The following CCSER1 variants were observed in gnomAD, a reference collection of about 807,000 sequenced individuals.
CCSER1 encodes coiled-coil serine rich protein 1, also known as serine-rich coiled-coil domain-containing protein 1.
In CCSER1, 41 loss-of-function variants were observed where a neutral mutation model predicts 82.0. That is an observed-to-expected ratio of 0.50 (90% confidence interval 0.39 to 0.65). The LOEUF (loss-of-function observed/expected upper bound fraction) is 0.65. Ranked by LOEUF, CCSER1 falls within the 30% of genes least tolerant of loss-of-function variation. CCSER1 has a pLI of 0.00. For missense variants in CCSER1, 1,119 were observed against 1,064.2 expected, an observed-to-expected ratio of 1.05 and a Z score of -0.72; for synonymous variants, 414 against 383.9, an observed-to-expected ratio of 1.08 and a Z score of -0.92.
intron 10 of CCSER1, among the ~76,000 whole-genome samples, chr4:91,566,048 T>C (rs1762872694): frequency 6.6e-6 from 1 of 152,104 alleles, no homozygotes; most frequent in African/African-American, 2.4e-5. Flanking sequence ...GCTCTTATTA[T>C]TTTGAGTTAT....
intron 10 of CCSER1, among the ~76,000 whole-genome samples, chr4:91,576,551 T>G (rs2110299002): frequency 6.6e-6 from 1 of 152,060 alleles, no homozygotes; most frequent in East Asian, 1.9e-4. Context: ...AGGTTGAGTA[T>G]CCCTTATCCG....
intron 10 of CCSER1, among the ~76,000 whole-genome samples, chr4:91,425,447 CATTGTA>C (rs1181093049): frequency 3.3e-5 from 5 of 152,046 alleles, no homozygotes; most frequent in African/African-American, 1.2e-4. Flanking sequence ...CTGTGAAAAG[CATTGTA>C]ATTGTAATTA....
At position 90,352,701 on chromosome 4, in the gene CCSER1, C is replaced by A. The variant is rs1255564001; in HGVS notation, c.1509+39654C>A. Among the ~76,000 whole-genome samples, 4 of 151,890 alleles carry A rather than the reference C, an allele frequency of 2.6e-5. No individual in the cohort carries two copies. The East Asian group carries it at 7.7e-4, about 29-fold the overall frequency. ...ACATATATGTATATATACACACACA[C>A]ACACACGCAGATAGTAACAGGTAGC... On this transcript the variant is annotated intron_variant, in intron 3 of 10. Coordinates refer to ENST00000509176, the MANE Select transcript of CCSER1 (RefSeq NM_001145065.2).
chr4:90,841,215 C>T (rs189772983), intron 8 of CCSER1, among the ~76,000 whole-genome samples: 2 of 152,222 alleles, frequency 1.3e-5, no homozygotes, highest in African/African-American at 2.4e-5. Context: ...ACTTAGATAA[C>T]TCATTCTTAA....
intron 8 of CCSER1, among the ~76,000 whole-genome samples, chr4:90,865,167 T>C (rs1400521627): frequency 6.6e-6 from 1 of 152,076 alleles, no homozygotes; most frequent in Non-Finnish European, 1.5e-5. Flanking sequence ...AGAGTAATTG[T>C]AATACGGCTT....
intron 10 of CCSER1, among the ~76,000 whole-genome samples, chr4:91,511,541 G>A (rs1472803819): frequency 6.6e-6 from 1 of 152,160 alleles, no homozygotes; most frequent in East Asian, 1.9e-4. Context: ...ACAGCAGGAG[G>A]TGAGCAAGGG....
intron 7 of CCSER1, among the ~76,000 whole-genome samples, chr4:90,806,550 G>T (rs952359781): frequency 5.9e-5 from 9 of 152,132 alleles, no homozygotes; most frequent in Non-Finnish European, 1.0e-4. Flanking sequence ...CTCAATAAAG[G>T]ACTCACTGAC....
intron 6 of CCSER1, among the ~76,000 whole-genome samples, chr4:90,672,149 C>T (rs1732914279): frequency 6.6e-6 from 1 of 151,946 alleles, no homozygotes; most frequent in Non-Finnish European, 1.5e-5. Context: ...TGAGCATTGG[C>T]TTCAACTTAA....
intron 1 of CCSER1, among the ~76,000 whole-genome samples, chr4:90,270,332 T>C (rs918357651): frequency 1.3e-5 from 2 of 152,092 alleles, no homozygotes; most frequent in African/African-American, 2.4e-5. Flanking sequence ...AACTGGGATT[T>C]ATTCCAGGGA....
chr4:91,443,400 C>G (rs1414879096), intron 10 of CCSER1, among the ~76,000 whole-genome samples: 1 of 150,132 alleles, frequency 6.7e-6, no homozygotes, highest in Non-Finnish European at 1.5e-5. Context: ...TAAACTATCG[C>G]AAGGACAAAA....
rs144336144 is a variant in CCSER1 at position 91,589,454 on chromosome 4, G to A, written c.2218-9118G>A. ...TATAAAGTCTATGAATTATTCACAC[G>A]AGACATTATGTGAATCTAAAGATTT... is the stretch of plus-strand genomic sequence containing the variant. On this transcript the variant is annotated intron_variant, in intron 10 of 10. Transcript: ENST00000509176. Among the ~76,000 whole-genome samples, 712 of 151,866 alleles carry A rather than the reference G, an allele frequency of 4.7e-3. 2 individuals are homozygous for A. Among genetic ancestry groups the A allele is most frequent in the Non-Finnish European group, 7.7e-3 (525 of 67,890 alleles).
chr4:90,773,180 C>T (rs538654843), intron 7 of CCSER1, among the ~76,000 whole-genome samples: 76 of 152,242 alleles, frequency 5.0e-4, no homozygotes, highest in Non-Finnish European at 9.1e-4. Flanking sequence ...ATGGAGGTTG[C>T]GGTTAGCCGA....
At chr4:90,771,490 T>C (rs1752153310) in intron 7 of CCSER1, among the ~76,000 whole-genome samples, 1 of 151,186 alleles carries the variant, frequency 6.6e-6, no homozygotes, top group East Asian at 1.9e-4. Flanking sequence ...CTATTTCTTT[T>C]CTTTTAGCTA....
chr4:90,590,024 A>G (rs1390544864), intron 5 of CCSER1, among the ~76,000 whole-genome samples: 2 of 152,164 alleles, frequency 1.3e-5, no homozygotes, highest in East Asian at 1.9e-4. Flanking sequence ...CTGTAATCCC[A>G]ATATTTTGGG....
intron 9 of CCSER1, among the ~76,000 whole-genome samples, chr4:90,955,780 G>T (rs927840741): frequency 6.6e-6 from 1 of 152,012 alleles, no homozygotes; most frequent in East Asian, 1.9e-4. Context: ...TGTACTAGCT[G>T]TTTCCTCCCT....
At chr4:90,669,188 G>C (rs1732342405) in intron 6 of CCSER1, among the ~76,000 whole-genome samples, 1 of 151,828 alleles carries the variant, frequency 6.6e-6, no homozygotes, top group South Asian at 2.1e-4. Context: ...AATGACTAAA[G>C]GTATAATGAG....
At chr4:90,613,024 G>A (rs148487489) in intron 5 of CCSER1, among the ~76,000 whole-genome samples, 257 of 152,190 alleles carry the variant, frequency 1.7e-3, no homozygotes, top group Non-Finnish European at 2.7e-3. Flanking sequence ...AGCAAACTCA[G>A]AGATCACAAA....
chr4:90,896,616 A>C (rs1341850544), intron 8 of CCSER1, among the ~76,000 whole-genome samples: 1 of 151,960 alleles, frequency 6.6e-6, no homozygotes, highest in Non-Finnish European at 1.5e-5. Flanking sequence ...TATGAACCTG[A>C]AATAACATAG....
At chr4:90,218,743 A>G (rs1741576833) in intron 1 of CCSER1, among the ~76,000 whole-genome samples, 1 of 152,300 alleles carries the variant, frequency 6.6e-6, no homozygotes, top group East Asian at 1.9e-4. Context: ...AGATTAGGCC[A>G]GGTGTGGTGA....
Sources: allele counts gnomAD v4.1 joint callset (sites outside exome capture counted in the v4.1 genomes callset), GRCh38; gene constraint gnomAD v4.1.1; transcripts MANE v1.5; gene names NCBI Gene and HGNC (gene_info 2026-07-23, HGNC 2026-07-21).